DOC2A: variants seen among roughly 807,000 people sequenced by gnomAD.
The protein encoded by DOC2A is double C2 domain alpha, also known as double C2-like domain-containing protein alpha.
DOC2A carries 28 observed loss-of-function variants against 40.6 expected under a neutral mutation model. That is an observed-to-expected ratio of 0.69 (90% confidence interval 0.51 to 0.95). The LOEUF (loss-of-function observed/expected upper bound fraction) is 0.95. DOC2A is among the 40% of genes least tolerant of loss of function. DOC2A has a pLI of 0.00. For missense variants in DOC2A, 474 were observed against 552.5 expected, an observed-to-expected ratio of 0.86 and a Z score of 1.42; for synonymous variants, 241 against 236.9, an observed-to-expected ratio of 1.02 and a Z score of -0.16.
At position 30,006,835 on chromosome 16, in the gene DOC2A, G is replaced by A; in HGVS notation, c.828C>T (p.Ala276=). The A allele has an allele frequency of 6.2e-7, 1 of 1,613,766 alleles. No homozygotes were observed. The highest frequency in any genetic ancestry group is 8.5e-7 in the Non-Finnish European group (1 of 1,179,878). ...CGTTGACGTCCATGGCAGCCAGATGGGCGCAGCGCAAGATGCCTACCAGCA... is the reference window on the plus strand; with the variant it reads ...CGTTGACGTCCATGGCAGCCAGATGAGCGCAGCGCAAGATGCCTACCAGCA... The part of the protein sequence containing the change: ...RGLLVGILRC[A]HLAAMDVNGY... The change falls in exon 8 of 11, where the codon GCC becomes GCT. Residue 276 remains alanine, a synonymous_variant. Coordinates refer to ENST00000350119, the MANE Select transcript of DOC2A (RefSeq NM_003586.3). The surrounding 1 kb of genome is among the most constrained non-coding windows in gnomAD (Gnocchi z 6.2).
At position 30,009,838 on chromosome 16, in the gene DOC2A, C is replaced by T. The variant is rs2070725125; in HGVS notation, c.262+123G>A. 2 of 1,118,304 alleles carry T rather than the reference C, an allele frequency of 1.8e-6. No individual in the cohort carries two copies. Among genetic ancestry groups the T allele is most frequent in the Admixed American group, 1.9e-5 (1 of 51,430 alleles). The allele number at this position is 1,118,304 out of a possible 1,614,324, so 69.3% of individuals were successfully genotyped here. ...CAGCTGTGGTGGCCGTCCCTGCCAC[C>T]CCCCCACTGCCCTCCTCCCCTACCT... On this transcript the variant is annotated intron_variant, in intron 2 of 10. Coordinates refer to ENST00000350119, the MANE Select transcript of DOC2A (RefSeq NM_003586.3). This position sits in a 1 kb window ranked among gnomAD's most constrained non-coding sequence, Gnocchi z 4.1.
chr16:30,013,862 G>A (rs1025805424), upstream of DOC2A, among the ~76,000 whole-genome samples: 1 of 151,864 alleles, frequency 6.6e-6, no homozygotes, highest in African/African-American at 2.4e-5. Flanking sequence ...TTACAGGGGC[G>A]CACGCCCCAC....
At chr16:30,013,603 C>CAAAAAAAAAAAAAAAAAAAAA (rs61309249), upstream of DOC2A, 3 of 34,888 alleles carry the variant, frequency 8.6e-5, no homozygotes, top group Admixed American at 2.6e-4. Context: ...GACCCTGTCT[C>CAAAAAAAAAAAAAAAAAAAAA]AAAAAAAAAA....
chr16:30,022,296 T>C (rs1262598159), upstream of DOC2A, among the ~76,000 whole-genome samples: 1 of 125,098 alleles, frequency 8.0e-6, no homozygotes, highest in Non-Finnish European at 1.6e-5. Context: ...CCTCTGAGGG[T>C]CAGTGCAAGA....
At chr16:30,022,957 T>C (rs1490299700), upstream of DOC2A, 1 of 179,572 alleles carries the variant, frequency 5.6e-6, no homozygotes, top group Non-Finnish European at 1.2e-5. Context: ...AGAGACCCTG[T>C]CTCCAAAAAA....
At chr16:30,018,005 G>A (rs1198366598) in intron 1 of DOC2A, among the ~76,000 whole-genome samples, 5 of 132,498 alleles carry the variant, frequency 3.8e-5, no homozygotes, top group South Asian at 2.4e-4. Flanking sequence ...GAGGCTGGGC[G>A]CTGTAATCCC....
chr16:30,007,295 C>T lies in DOC2A; in HGVS notation c.532G>A (p.Ala178Thr), dbSNP rs371808877. Residue 178 changes from alanine to threonine, a missense_variant, in exon 6 of 11, where the codon GCC (alanine) becomes ACC (threonine). By Grantham distance (58) the Ala-to-Thr change is moderately conservative (BLOSUM62 0). Transcript: ENST00000350119. ...DDITHKVLRIAVCDEDKLSHN... is the reference protein window; with the variant it reads ...DDITHKVLRITVCDEDKLSHN... ...CTCAGCTTGTCCTCATCACAGACGG[C>T]GATCCTGGTCGGGAACTGCAGTGTC... The T allele has an allele frequency of 3.7e-5, 59 of 1,613,664 alleles. No individual in the cohort carries two copies. The highest frequency in any genetic ancestry group is 4.7e-5 in the Non-Finnish European group (56 of 1,180,032).
Position 30,010,143 on chromosome 16 carries a change from C to A in DOC2A, c.80G>T (p.Arg27Leu). Residue 27 changes from arginine (R) to leucine (L), a missense_variant, in exon 2 of 11, where the codon CGG (arginine) becomes CTG (leucine). By Grantham distance (102) the Arg-to-Leu change is moderately radical. Transcript: ENST00000350119. This position sits in a 1 kb window ranked among gnomAD's most constrained non-coding sequence, Gnocchi z 4.2. ...MAINVCPGPIRPIRQISDYFP... is the reference protein window; with the variant it reads ...MAINVCPGPILPIRQISDYFP... ...GTAGTCAGAGATCTGGCGGATGGGC[C>A]GGATGGGCCCGGGGCACACGTTGAT... 6 of 1,613,894 alleles carry A rather than the reference C, an allele frequency of 3.7e-6. No homozygotes were observed. The highest frequency in any genetic ancestry group is 5.1e-6 in the Non-Finnish European group (6 of 1,179,920).
chr16:30,010,133 GCGGATGGGC>G lies in DOC2A; in HGVS notation c.81_89del (p.Pro28_Arg30del), dbSNP rs774523232. 3.1e-6 allele frequency: 5 copies of G among 1,613,736 alleles called. No homozygotes were observed. The highest frequency in any genetic ancestry group is 1.3e-5 in the African/African-American group (1 of 74,920). The stretch of plus-strand genomic sequence containing the variant: ...CCCGGGGGAAGTAGTCAGAGATCTG[GCGGATGGGC>G]CGGATGGGCCCGGGGCACACGTTGA... On this transcript the variant is annotated inframe_deletion, in exon 2 of 11. Transcript: ENST00000350119. The surrounding 1 kb of genome is among the most constrained non-coding windows in gnomAD (Gnocchi z 4.2).
Position 30,005,916 on chromosome 16 carries a change from C to T in DOC2A, c.*270G>A. On this transcript the variant is annotated 3_prime_UTR_variant, in exon 11 of 11. Coordinates refer to ENST00000350119, the MANE Select transcript of DOC2A (RefSeq NM_003586.3). The stretch of plus-strand genomic sequence containing the variant: ...AGGCAGGAGTGAGGAGCGCGGGGGC[C>T]TGGGGCCGGGCTCTGAGCACTGCCC... 1.8e-6 allele frequency: 1 copy of T among 547,128 alleles called. No individual in the cohort carries two copies. Among genetic ancestry groups the T allele is most frequent in the Non-Finnish European group, 3.2e-6 (1 of 308,526 alleles). 33.9% of individuals were successfully genotyped at this position (547,128 alleles called of 1,614,324 possible).
Position 30,005,635 on chromosome 16 carries a change from G to C in DOC2A, c.*551C>G, listed in dbSNP as rs1488999574. The C allele has an allele frequency of 8.2e-6, 5 of 612,438 alleles. No homozygotes were observed. Among genetic ancestry groups the C allele is most frequent in the Non-Finnish European group, 1.4e-5 (5 of 351,750 alleles). The allele number at this position is 612,438 out of a possible 1,614,324, so 37.9% of individuals were successfully genotyped here. A position where few individuals can be genotyped will look rare whatever the true frequency, so the allele number is the denominator to read the frequency against. ...GGCAGGGGCCCTGCCTTCAAACCCC[G>C]GCCCCCTCCAGGGGACAGTTATTTA... On this transcript the variant is annotated 3_prime_UTR_variant, in exon 11 of 11. Coordinates refer to ENST00000350119, the MANE Select transcript of DOC2A (RefSeq NM_003586.3).
Position 30,006,603 on chromosome 16 carries a change from A to C in DOC2A, c.953T>G (p.Phe318Cys). 1 of 1,613,102 alleles carries C rather than the reference A, an allele frequency of 6.2e-7. No homozygotes were observed. The highest frequency in any genetic ancestry group is 8.5e-7 in the Non-Finnish European group (1 of 1,179,830). ...CVKKKTLNPE[F>C]NEEFFYEIEL... ...CCGTCCCCTCCTGGGTACCTCGTTA[A>C]ATTCTGGGTTGAGAGTCTTCTTCTT... Residue 318 changes from phenylalanine (F) to cysteine (C), a missense_variant, in exon 9 of 11, where the codon TTT becomes TGT. By Grantham distance (205) the Phe-to-Cys change is radical. Transcript: ENST00000350119. This position sits in a 1 kb window ranked among gnomAD's most constrained non-coding sequence, Gnocchi z 6.2.
Position 30,006,920 on chromosome 16 carries a change from AGCCCCT to A in DOC2A, c.737_742del (p.Gln246_Gly247del). 2.5e-6 allele frequency: 4 copies of A among 1,613,230 alleles called. No individual in the cohort carries two copies. Among genetic ancestry groups the A allele is most frequent in the Non-Finnish European group, 3.4e-6 (4 of 1,179,596 alleles). On this transcript the variant is annotated inframe_deletion, in exon 8 of 11. Coordinates refer to ENST00000350119, the MANE Select transcript of DOC2A (RefSeq NM_003586.3). The surrounding 1 kb of genome is among the most constrained non-coding windows in gnomAD (Gnocchi z 6.2). The stretch of plus-strand genomic sequence containing the variant: ...CAGGATGCGGCCACGCTCCTCCAGC[AGCCCCT>A]GCCCCTGCTCCGCCTGCTCCAACTG...
At position 30,010,588 on chromosome 16, in the gene DOC2A, G is replaced by A; in HGVS notation, c.-14+315C>T. On this transcript the variant is annotated intron_variant, in intron 1 of 10. Transcript: ENST00000350119. The surrounding 1 kb of genome is among the most constrained non-coding windows in gnomAD (Gnocchi z 4.2). The stretch of plus-strand genomic sequence containing the variant: ...GCCTGTCCCCCAAGGGGCCCTGCAG[G>A]GCCCCGCCTCTGTTTCTCGGAGGCT... The A allele has an allele frequency of 3.0e-6, 1 of 332,130 alleles. No individual in the cohort carries two copies. The highest frequency in any genetic ancestry group is 5.8e-6 in the Non-Finnish European group (1 of 173,848). The allele number at this position is 332,130 out of a possible 1,614,324, so 20.6% of individuals were successfully genotyped here. A position where few individuals can be genotyped will look rare whatever the true frequency, so the allele number is the denominator to read the frequency against.
At position 30,010,576 on chromosome 16, in the gene DOC2A, G is replaced by A. The variant is rs1429501345; in HGVS notation, c.-14+327C>T. 2 of 368,134 alleles carry A rather than the reference G, an allele frequency of 5.4e-6. No individual in the cohort carries two copies. Among genetic ancestry groups the A allele is most frequent in the South Asian group, 2.6e-5 (1 of 39,000 alleles). The allele number at this position is 368,134 out of a possible 1,614,324, so 22.8% of individuals were successfully genotyped here. A position where few individuals can be genotyped will look rare whatever the true frequency, so the allele number is the denominator to read the frequency against. On this transcript the variant is annotated intron_variant, in intron 1 of 10. Transcript: ENST00000350119. This position sits in a 1 kb window ranked among gnomAD's most constrained non-coding sequence, Gnocchi z 4.2. ...GCTCCTGAGCCTGCCTGTCCCCCAA[G>A]GGGCCCTGCAGGGCCCCGCCTCTGT...
chr16:30,015,025 C>T (rs2070841687), upstream of DOC2A: 1 of 151,950 alleles, frequency 6.6e-6, no homozygotes, highest in African/African-American at 2.4e-5. Context: ...AAGAGCTTAG[C>T]CGTGTTTGCT....
In DOC2A at chr16:30,009,860, A is replaced by G; in HGVS notation, c.262+101T>C. 1 of 1,262,520 alleles carries G rather than the reference A, an allele frequency of 7.9e-7. No individual in the cohort carries two copies. Among genetic ancestry groups the G allele is most frequent in the Non-Finnish European group, 1.1e-6 (1 of 882,898 alleles). The allele number at this position is 1,262,520 out of a possible 1,614,324, so 78.2% of individuals were successfully genotyped here. A position where few individuals can be genotyped will look rare whatever the true frequency, so the allele number is the denominator to read the frequency against. ...CACCCCCCCACTGCCCTCCTCCCCT[A>G]CCTACATGCACAGCCAGCAGGGCCC... On this transcript the variant is annotated intron_variant, in intron 2 of 10. Coordinates refer to ENST00000350119, the MANE Select transcript of DOC2A (RefSeq NM_003586.3). This position sits in a 1 kb window ranked among gnomAD's most constrained non-coding sequence, Gnocchi z 4.1.
At chr16:30,012,282 C>T (rs565654315), upstream of DOC2A, 1 of 152,332 alleles carries the variant, frequency 6.6e-6, no homozygotes, top group African/African-American at 2.4e-5. Context: ...CCGCACTGCC[C>T]CTCAGCTCCA....
At chr16:30,021,976 TG>T (rs2070916746), upstream of DOC2A, among the ~76,000 whole-genome samples, 1 of 151,526 alleles carries the variant, frequency 6.6e-6, no homozygotes, top group Non-Finnish European at 1.5e-5. Context: ...GGGCTGGGCT[TG>T]GTGGCTCACG....
Sources: gnomAD v4.1 joint callset for allele counts (sites outside exome capture counted in the v4.1 genomes callset) on GRCh38, gnomAD v4.1.1 for gene constraint, Gnocchi (gnomAD v3.1) non-coding constraint, MANE v1.5 for transcripts, NCBI Gene and HGNC (gene_info 2026-07-23, HGNC 2026-07-21) for gene names.